Variants in GAS2L3 observed in about 807,000 individuals in gnomAD.
GAS2L3 encodes the protein GAS2-like protein 3.
GAS2L3 carries 28 observed loss-of-function variants against 37.0 expected under a neutral mutation model. The ratio of observed to expected loss-of-function variants is 0.76; its 90% CI spans 0.56 to 1.04. The LOEUF is 1.04. GAS2L3 is among the 50% of genes least tolerant of loss of function. The pLI is 0.00. For missense variants in GAS2L3, 793 were observed against 817.6 expected (o/e 0.97, Z 0.37); for synonymous variants, 290 against 296.6 (o/e 0.98, Z 0.23).
At chr12:100,577,730 T>C (rs991822702) in intron 1 of GAS2L3, among the ~76,000 whole-genome samples, 15 of 152,170 alleles carry the variant, frequency 9.9e-5, no homozygotes, top group African/African-American at 3.4e-4. Flanking sequence ...AATAGAAGCA[T>C]ATAATATTGC....
chr12:100,607,709 C>T (rs530564755), intron 5 of GAS2L3, among the ~76,000 whole-genome samples: 2 of 152,020 alleles, frequency 1.3e-5, no homozygotes, highest in Admixed American at 1.3e-4. Flanking sequence ...TATTAAGAGA[C>T]CCTGATGCAT....
chr12:100,574,329 C>G (rs1955609410), intron 1 of GAS2L3, among the ~76,000 whole-genome samples: 1 of 152,166 alleles, frequency 6.6e-6, no homozygotes, highest in African/African-American at 2.4e-5. Context: ...ATAGGCTCTT[C>G]CCTGTTTTTT....
At chr12:100,602,297 C>A (rs1956000672) in intron 5 of GAS2L3, among the ~76,000 whole-genome samples, 2 of 151,898 alleles carry the variant, frequency 1.3e-5, no homozygotes, top group South Asian at 4.2e-4. Context: ...AGTTTTCATT[C>A]ATTAACCCTG....
intron 6 of GAS2L3, among the ~76,000 whole-genome samples, chr12:100,614,189 C>T (rs1460306455): frequency 6.6e-6 from 1 of 151,962 alleles, no homozygotes; most frequent in Non-Finnish European, 1.5e-5. Flanking sequence ...TTAGGCTGGG[C>T]GCATTGGCTC....
intron 6 of GAS2L3, among the ~76,000 whole-genome samples, chr12:100,612,728 T>C (rs1956140911): frequency 6.6e-6 from 1 of 152,158 alleles, no homozygotes; most frequent in African/African-American, 2.4e-5. Flanking sequence ...AGCATTTATA[T>C]ATGTGTACAT....
chr12:100,624,883 G>C lies in GAS2L3; in HGVS notation c.2078G>C (p.Arg693Thr), dbSNP rs771722807. 1 of 1,567,758 alleles carries C rather than the reference G, an allele frequency of 6.4e-7. No individual in the cohort carries two copies. The highest frequency in any genetic ancestry group is 1.2e-5 in the South Asian group (1 of 86,688). Residue 693 changes from arginine (R) to threonine (T), a missense_variant, in exon 10 of 10, where the codon AGA (arginine) becomes ACA (threonine). By Grantham distance (71) the Arg-to-Thr change is moderately conservative. Transcript: ENST00000547754. ...GTCATGACTGGAAGTAAGAAACCTA[G>C]AAAATAAATACATACTCATTATAAA... is the stretch of plus-strand genomic sequence containing the variant. ...YFVMTGSKKP[R>T]K is the part of the protein sequence containing the mutation.
intron 2 of GAS2L3, among the ~76,000 whole-genome samples, chr12:100,593,100 T>C (rs1955866118): frequency 6.6e-6 from 1 of 152,056 alleles, no homozygotes. Flanking sequence ...GACACAAAAA[T>C]ATCTTGGAAA....
intron 1 of GAS2L3, among the ~76,000 whole-genome samples, chr12:100,577,832 A>C (rs1955657298): frequency 6.6e-6 from 1 of 152,242 alleles, no homozygotes; most frequent in African/African-American, 2.4e-5. Context: ...AGGTGTAAGA[A>C]GAGCATAGGT....
chr12:100,622,559 G>A (rs1210801782), intron 9 of GAS2L3, among the ~76,000 whole-genome samples, 177 bp downstream of exon 9: 1 of 93,662 alleles, frequency 1.1e-5, no homozygotes, highest in Non-Finnish European at 2.2e-5. Flanking sequence ...TATATAATGA[G>A]TTTAGGTAAA....
chr12:100,581,775 C>G (rs940453884), intron 1 of GAS2L3, among the ~76,000 whole-genome samples: 3 of 152,112 alleles, frequency 2.0e-5, no homozygotes, highest in Non-Finnish European at 4.4e-5. Flanking sequence ...AAGTGAGAAA[C>G]TATAACATTA....
At chr12:100,619,026 GA>G (rs1956221875) in intron 8 of GAS2L3, among the ~76,000 whole-genome samples, 1 of 152,076 alleles carries the variant, frequency 6.6e-6, no homozygotes, top group Admixed American at 6.6e-5. Context: ...GGAGCAACAG[GA>G]ACAAATATAA....
At chr12:100,599,029 A>G (rs1391564033) in intron 3 of GAS2L3, among the ~76,000 whole-genome samples, 1 of 152,018 alleles carries the variant, frequency 6.6e-6, no homozygotes, top group South Asian at 2.1e-4. Flanking sequence ...TGCCCTCTTT[A>G]TCCTACTCAG....
At chr12:100,583,101 G>A (rs1354396969) in intron 1 of GAS2L3, among the ~76,000 whole-genome samples, 1 of 152,194 alleles carries the variant, frequency 6.6e-6, no homozygotes, top group East Asian at 1.9e-4. Context: ...AGTCCATAGA[G>A]TAAAGCAAAA....
intron 3 of GAS2L3, among the ~76,000 whole-genome samples, chr12:100,599,889 A>AATTCGGGG (rs2136462145): frequency 6.6e-6 from 1 of 152,296 alleles, no homozygotes; most frequent in South Asian, 2.1e-4. Flanking sequence ...TCCATTCATT[A>AATTCGGGG]ATTCGGGGTT....
chr12:100,617,454 G>A (rs1434177105), intron 6 of GAS2L3, among the ~76,000 whole-genome samples: 3 of 152,122 alleles, frequency 2.0e-5, no homozygotes, highest in Admixed American at 6.5e-5. Flanking sequence ...CTTGTTGAAA[G>A]ATCTGAAACA....
intron 1 of GAS2L3, chr12:100,578,942 GT>G: frequency 1.1e-6 from 1 of 921,206 alleles, no homozygotes; most frequent in Non-Finnish European, 1.8e-6. Context: ...AGGGGATAAG[GT>G]TATAATTGTC....
In GAS2L3 at chr12:100,624,245, TTC is replaced by T. The variant is rs1441449824; in HGVS notation, c.1441_1442del (p.Ser481GlnfsTer3). ...AGTATTTGAAACATAATCATATTTC[TTC>T]CAGAGATAATGCAGTATCTCACTTA... ...PKYLKHNHISSRDNAVSHLAA... is the reference protein window; with the variant it reads ...PKYLKHNHISXRDNAVSHLAA... On this transcript the variant is annotated frameshift_variant, in exon 10 of 10. Coordinates refer to ENST00000547754, the MANE Select transcript of GAS2L3 (RefSeq NM_174942.3). LOFTEE classifies it low-confidence loss of function (END_TRUNC). 1.2e-6 allele frequency: 2 copies of T among 1,613,992 alleles called. No homozygotes were observed. Among genetic ancestry groups the T allele is most frequent in the Non-Finnish European group, 1.7e-6 (2 of 1,180,000 alleles).
chr12:100,599,455 C>T (rs144329470), intron 3 of GAS2L3, among the ~76,000 whole-genome samples: 2,029 of 152,248 alleles, frequency 0.013, 18 homozygotes, highest in Middle Eastern at 0.024. Context: ...TGAGATACTA[C>T]GCAGTTACTT....
rs749988713 is a variant in GAS2L3 at position 100,600,413 on chromosome 12, C to A, written c.50C>A (p.Pro17His). 10 of 1,605,966 alleles carry A rather than the reference C, an allele frequency of 6.2e-6. No homozygotes were observed. The highest frequency in any genetic ancestry group is 1.3e-5 in the African/African-American group (1 of 74,192). ...VWFGEDLPLS[P>H]RSPLTPRHGP... ...TTTGGAGAAGATCTGCCTCTAAGTC[C>A]TCGGAGTCCTCTGACTCCCAGACAC... Residue 17 changes from proline (P) to histidine (H), a missense_variant, in exon 4 of 10, where the codon CCT becomes CAT. Physicochemically the swap from Pro to His is moderately conservative, Grantham distance 77. Coordinates refer to ENST00000547754, the MANE Select transcript of GAS2L3 (RefSeq NM_174942.3).
Sources: allele counts gnomAD v4.1 joint callset (sites outside exome capture counted in the v4.1 genomes callset), GRCh38; gene constraint gnomAD v4.1.1; transcripts MANE v1.5; gene names NCBI Gene and HGNC (gene_info 2026-07-23, HGNC 2026-07-21).